Variants in CDH23 observed in about 807,000 individuals in gnomAD.
CDH23 encodes the protein cadherin-23.
A neutral mutation model predicts 317.1 loss-of-function variants in CDH23; 189 were observed. The observed-to-expected ratio is 0.60, with a 90% CI of 0.53 to 0.67. CDH23 has a LOEUF of 0.67. Ranked by LOEUF, CDH23 falls within the 30% of genes least tolerant of loss-of-function variation. The pLI is 0.00. For missense variants in CDH23, 4,401 were observed against 4,592.4 expected, an observed-to-expected ratio of 0.96 and a Z score of 1.20; for synonymous variants, 1,839 against 1,876.8, an observed-to-expected ratio of 0.98 and a Z score of 0.52.
chr10:71,596,238 CCT>C (rs985845649), intron 9 of CDH23, among the ~76,000 whole-genome samples: 1 of 152,084 alleles, frequency 6.6e-6, no homozygotes, highest in Admixed American at 6.5e-5. Flanking sequence ...CATGCAAGGC[CCT>C]CTCTCGAGGT....
chr10:71,724,504 G>A (rs12253920), intron 29 of CDH23, among the ~76,000 whole-genome samples: 1,882 of 152,308 alleles, frequency 0.012, 36 homozygotes, highest in African/African-American at 0.043. Flanking sequence ...GGGTTTCACC[G>A]TGTTAGCCAG....
At chr10:71,641,501 T>G (rs1388176277) in intron 11 of CDH23, among the ~76,000 whole-genome samples, 3 of 152,166 alleles carry the variant, frequency 2.0e-5, no homozygotes, top group African/African-American at 7.2e-5. Flanking sequence ...TAATAAGTCA[T>G]TGATGATTCT....
intron 3 of CDH23, among the ~76,000 whole-genome samples, chr10:71,476,317 G>A (rs961183020): frequency 3.3e-5 from 5 of 152,154 alleles, no homozygotes; most frequent in Non-Finnish European, 7.3e-5. Context: ...GGCGATTTGG[G>A]AGAATCTGAG....
intron 9 of CDH23, 142 bp from the exon 10 acceptor site, chr10:71,615,362 G>A: frequency 1.4e-6 from 1 of 692,908 alleles, no homozygotes; most frequent in Non-Finnish European, 2.6e-6. Context: ...TATTACTCTT[G>A]AACCAGCATT....
At chr10:71,615,132 T>C (rs1861111276) in intron 9 of CDH23, among the ~76,000 whole-genome samples, 2 of 152,154 alleles carry the variant, frequency 1.3e-5, no homozygotes, top group African/African-American at 4.8e-5. Context: ...CTGGCTGGCG[T>C]CCACTCCCTT....
At chr10:71,692,959 C>T (rs1472433224) in intron 20 of CDH23, among the ~76,000 whole-genome samples, 1 of 152,216 alleles carries the variant, frequency 6.6e-6, no homozygotes, top group East Asian at 1.9e-4. Context: ...ATGGAAGTCA[C>T]ACTAATCTCC....
chr10:71,777,577 T>G, intron 38 of CDH23, 103 bp from the exon 39 acceptor site: 4 of 974,614 alleles, frequency 4.1e-6, no homozygotes, highest in South Asian at 3.0e-5. Flanking sequence ...GCCCTTTCTG[T>G]TTGAGTCACA....
intron 28 of CDH23, 94 bp from the exon 29 acceptor site, chr10:71,723,951 A>G: frequency 2.9e-6 from 4 of 1,375,716 alleles, no homozygotes; most frequent in Non-Finnish European, 4.0e-6. Context: ...AGGATGGGGT[A>G]GGATGCGTGA....
At chr10:71,421,326 C>T (rs548602892) in intron 1 of CDH23, among the ~76,000 whole-genome samples, 94 of 152,344 alleles carry the variant, frequency 6.2e-4, no homozygotes, top group Non-Finnish European at 1.1e-3. Context: ...GGCCCCCTGC[C>T]CTTGCGCCCC....
At chr10:71,428,584 ATCT>A (rs943650742) in intron 1 of CDH23, among the ~76,000 whole-genome samples, 11 of 149,566 alleles carry the variant, frequency 7.4e-5, no homozygotes, top group African/African-American at 1.5e-4. Context: ...CCATTTGTAT[ATCT>A]TCTTCTTTTT....
intron 9 of CDH23, among the ~76,000 whole-genome samples, chr10:71,579,542 G>A (rs369543742): frequency 1.3e-5 from 2 of 152,268 alleles, no homozygotes; most frequent in South Asian, 2.1e-4. Context: ...CCAAAACTAC[G>A]AAGTCCTTGG....
chr10:71,551,306 C>T (rs17708585), intron 6 of CDH23, among the ~76,000 whole-genome samples: 2,574 of 152,226 alleles, frequency 0.017, 24 homozygotes, highest in Middle Eastern at 0.065. Flanking sequence ...CAATTCCTAC[C>T]GCTGGTCTCT....
intron 1 of CDH23, among the ~76,000 whole-genome samples, chr10:71,433,475 G>A (rs1038090489): frequency 2.0e-5 from 3 of 152,124 alleles, no homozygotes; most frequent in Admixed American, 2.0e-4. Flanking sequence ...GGGTTTGGGA[G>A]CCCTGCTGAT....
At position 71,446,391 on chromosome 10, in the gene CDH23, T is replaced by C. The variant is rs1850168959; in HGVS notation, c.141T>C (p.Pro47=). The C allele has an allele frequency of 6.2e-7, 1 of 1,613,866 alleles. No homozygotes were observed. Among genetic ancestry groups the C allele is most frequent in the South Asian group, 1.1e-5 (1 of 91,082 alleles). Residue 47 remains proline, a synonymous_variant, in exon 3 of 70, where the codon CCT becomes CCC. Coordinates refer to ENST00000224721, the MANE Select transcript of CDH23 (RefSeq NM_022124.6). The part of the protein sequence containing the change: ...DTYLLISEDT[P]VGSSVTQLLA... ...ACCTGCTGATCAGCGAGGACACGCCTGTGGGTGAGTGGGGGCATGGGCTGG... is the reference window on the plus strand; with the variant it reads ...ACCTGCTGATCAGCGAGGACACGCCCGTGGGTGAGTGGGGGCATGGGCTGG...
At chr10:71,498,199 C>T (rs1255889595) in intron 3 of CDH23, among the ~76,000 whole-genome samples, 1 of 152,172 alleles carries the variant, frequency 6.6e-6, no homozygotes, top group Non-Finnish European at 1.5e-5. Flanking sequence ...TGAACCAGGG[C>T]CAGCCACATC....
chr10:71,728,053 GTT>G, intron 30 of CDH23, among the ~76,000 whole-genome samples: 1 of 152,254 alleles, frequency 6.6e-6, no homozygotes, highest in Middle Eastern at 3.4e-3. Context: ...GCCTGGCCCT[GTT>G]TTTTCCCCAC....
chr10:71,652,397 G>T (rs1345430165), intron 14 of CDH23, among the ~76,000 whole-genome samples: 3 of 152,220 alleles, frequency 2.0e-5, no homozygotes, highest in African/African-American at 7.2e-5. Context: ...TAGTGCCTGC[G>T]CAGCCTGCAG....
intron 51 of CDH23, 55 bp from the exon 52 acceptor site, chr10:71,799,437 T>C: frequency 6.2e-7 from 1 of 1,612,788 alleles, no homozygotes. Flanking sequence ...AGGGCTGTGC[T>C]CGGGCTCTGG....
intron 6 of CDH23, among the ~76,000 whole-genome samples, chr10:71,559,894 AT>A (rs923217217): frequency 6.6e-6 from 1 of 152,210 alleles, no homozygotes; most frequent in African/African-American, 2.4e-5. Context: ...ATGGGTACAC[AT>A]GGGTTTATGC....
Sources: gnomAD v4.1 joint callset for allele counts (sites outside exome capture counted in the v4.1 genomes callset) on GRCh38, gnomAD v4.1.1 for gene constraint, MANE v1.5 for transcripts, NCBI Gene and HGNC (gene_info 2026-07-23, HGNC 2026-07-21) for gene names.